The following NRG3 variants were observed in gnomAD, a reference collection of about 807,000 sequenced individuals.
The protein encoded by NRG3 is pro-neuregulin-3, membrane-bound isoform.
NRG3 carries 31 observed loss-of-function variants against 66.9 expected under a neutral mutation model. That is an observed-to-expected ratio of 0.46 (90% confidence interval 0.35 to 0.63). NRG3 has a LOEUF of 0.63. Among genes scored for constraint, NRG3 ranks in the 20% least tolerant of loss-of-function variants. The pLI, the probability that NRG3 is intolerant of heterozygous loss-of-function variation, is 0.00. For synonymous variants in NRG3, 393 were observed against 359.4 expected (o/e 1.09, Z -1.06); for missense variants, 910 against 878.9 (o/e 1.04, Z -0.45).
intron 3 of NRG3, among the ~76,000 whole-genome samples, chr10:82,829,662 C>T (rs2062415963): frequency 6.6e-6 from 1 of 152,042 alleles, no homozygotes; most frequent in Non-Finnish European, 1.5e-5. Flanking sequence ...AGTAGATGGA[C>T]AAGAGGGATT....
chr10:82,935,639 C>T (rs921736751), intron 4 of NRG3, among the ~76,000 whole-genome samples: 13 of 151,458 alleles, frequency 8.6e-5, no homozygotes, highest in African/African-American at 2.4e-5. Flanking sequence ...TTTTTTTAAA[C>T]GGAGTCTCGC....
At chr10:81,993,097 C>T (rs1047690022) in intron 1 of NRG3, among the ~76,000 whole-genome samples, 1 of 152,142 alleles carries the variant, frequency 6.6e-6, no homozygotes, top group Admixed American at 6.5e-5. Context: ...GAAGAGGTAA[C>T]CTAGACTAAG....
At chr10:82,888,179 G>A (rs1255572912) in intron 4 of NRG3, among the ~76,000 whole-genome samples, 2 of 152,110 alleles carry the variant, frequency 1.3e-5, no homozygotes, top group Admixed American at 6.5e-5. Context: ...CAATAAAATC[G>A]AACCTGGAGA....
intron 1 of NRG3, among the ~76,000 whole-genome samples, chr10:82,080,587 T>C (rs143925719): frequency 1.3e-3 from 197 of 152,242 alleles, no homozygotes; most frequent in Middle Eastern, 3.4e-3. Context: ...TGCCAAATGT[T>C]TTGCTCTGAG....
At chr10:82,958,376 A>G (rs1564665969) in intron 5 of NRG3, among the ~76,000 whole-genome samples, 1 of 152,226 alleles carries the variant, frequency 6.6e-6, no homozygotes, top group Non-Finnish European at 1.5e-5. Context: ...ACTTAAAACC[A>G]TGTGTGGCAC....
intron 2 of NRG3, among the ~76,000 whole-genome samples, chr10:82,696,407 C>T (rs1271700101): frequency 2.0e-5 from 3 of 151,640 alleles, no homozygotes; most frequent in Non-Finnish European, 1.5e-5. Context: ...ATTAACAAGG[C>T]TGAAAGGAAA....
intron 4 of NRG3, among the ~76,000 whole-genome samples, chr10:82,944,570 G>A (rs368263227): frequency 6.6e-6 from 1 of 152,120 alleles, no homozygotes; most frequent in Non-Finnish European, 1.5e-5. Flanking sequence ...GCCTAAACAG[G>A]TCTTAATAAT....
intron 7 of NRG3, among the ~76,000 whole-genome samples, chr10:82,978,143 G>A (rs1425008629): frequency 1.3e-5 from 2 of 152,100 alleles, no homozygotes; most frequent in East Asian, 1.9e-4. Flanking sequence ...TCAATTCAGT[G>A]GGGTGGAGAT....
chr10:82,272,764 A>G (rs1053256214), intron 1 of NRG3, among the ~76,000 whole-genome samples: 9 of 152,068 alleles, frequency 5.9e-5, no homozygotes, highest in Middle Eastern at 3.4e-3. Context: ...CTCTTTCCCA[A>G]AGCTATCTTG....
chr10:82,025,107 A>C (rs2062239750), intron 1 of NRG3, among the ~76,000 whole-genome samples: 1 of 151,968 alleles, frequency 6.6e-6, no homozygotes, highest in South Asian at 2.1e-4. Context: ...TGTAGTTTTT[A>C]TGTCATTTCA....
At chr10:82,064,998 A>G (rs919374489) in intron 1 of NRG3, among the ~76,000 whole-genome samples, 2 of 152,220 alleles carry the variant, frequency 1.3e-5, no homozygotes, top group African/African-American at 4.8e-5. Flanking sequence ...TTGTTCTTTG[A>G]AATATTTGTG....
intron 3 of NRG3, among the ~76,000 whole-genome samples, chr10:82,778,778 G>A (rs2060006422): frequency 6.6e-6 from 1 of 152,162 alleles, no homozygotes; most frequent in Non-Finnish European, 1.5e-5. Flanking sequence ...ACACTGCTCT[G>A]TGGGGTCAAA....
At chr10:82,556,468 G>C (rs1301942956) in intron 2 of NRG3, among the ~76,000 whole-genome samples, 1 of 152,116 alleles carries the variant, frequency 6.6e-6, no homozygotes, top group Non-Finnish European at 1.5e-5. Flanking sequence ...TGGGTATAGT[G>C]TGAGAAGTGG....
chr10:82,163,922 ATT>A lies in NRG3; in HGVS notation c.824-194802_824-194801del, dbSNP rs555595801. Among the ~76,000 whole-genome samples, 1,200 of 148,468 alleles carry A rather than the reference ATT, an allele frequency of 8.1e-3. 18 individuals are homozygous for A. Among genetic ancestry groups the A allele is most frequent in the African/African-American group, 0.028 (1,124 of 40,136 alleles). ...TATAGGTTTTTGTTTCTCTCTTAAA[ATT>A]TTTTTTTTTTTTTTGAGATGGAGTC... is the stretch of plus-strand genomic sequence containing the variant. On this transcript the variant is annotated intron_variant, in intron 1 of 8. Transcript: ENST00000372141.
chr10:82,618,274 A>C (rs76818626), intron 2 of NRG3, among the ~76,000 whole-genome samples: 2 of 151,994 alleles, frequency 1.3e-5, no homozygotes, highest in Non-Finnish European at 2.9e-5. Context: ...CCCAGATTGA[A>C]GGTGTGTGTG....
chr10:82,350,346 G>A (rs1308727222), intron 1 of NRG3, among the ~76,000 whole-genome samples: 1 of 152,146 alleles, frequency 6.6e-6, no homozygotes, highest in African/African-American at 2.4e-5. Flanking sequence ...AGCACTTATT[G>A]TGTGTCAGGC....
At chr10:82,551,645 C>T (rs2044316096) in intron 2 of NRG3, among the ~76,000 whole-genome samples, 1 of 150,244 alleles carries the variant, frequency 6.7e-6, no homozygotes, top group African/African-American at 2.5e-5. Flanking sequence ...CCACACAAAA[C>T]AACTACCTAG....
At chr10:81,889,156 T>G (rs901800752) in intron 1 of NRG3, 8 of 152,226 alleles carry the variant, frequency 5.3e-5, no homozygotes, top group African/African-American at 1.9e-4. Context: ...TTGATTTCAC[T>G]GCCTCACCTA....
chr10:81,876,886 G>A (rs530401374), intron 1 of NRG3, among the ~76,000 whole-genome samples: 1 of 151,816 alleles, frequency 6.6e-6, no homozygotes, highest in South Asian at 2.1e-4. Context: ...AATATGAAGG[G>A]AGCCCTGCAG....
Sources: allele counts gnomAD v4.1 joint callset (sites outside exome capture counted in the v4.1 genomes callset), GRCh38; gene constraint gnomAD v4.1.1; transcripts MANE v1.5; gene names NCBI Gene and HGNC (gene_info 2026-07-23, HGNC 2026-07-21).